Variants in ANTXR1 observed in about 807,000 individuals in gnomAD.
ANTXR1 encodes the protein ANTXR cell adhesion molecule 1.
A neutral mutation model predicts 78.1 loss-of-function variants in ANTXR1; 19 were observed. The observed-to-expected ratio is 0.24, with a 90% CI of 0.17 to 0.36. ANTXR1 has a LOEUF of 0.36. Among genes scored for constraint, ANTXR1 ranks in the 10% least tolerant of loss-of-function variants. ANTXR1 has a pLI of 1.00. For synonymous variants in ANTXR1, 273 were observed against 260.5 expected (o/e 1.05, Z -0.46); for missense variants, 518 against 718.6 (o/e 0.72, Z 3.19).
At chr2:69,070,567 G>A in intron 3 of ANTXR1, 80 bp from the exon 4 acceptor site, 2 of 1,316,124 alleles carry the variant, frequency 1.5e-6, no homozygotes, top group Non-Finnish European at 2.2e-6. Flanking sequence ...ACAGAGGTAA[G>A]AAGAAGACTA....
chr2:69,207,319 T>C (rs1034210721), intron 17 of ANTXR1, among the ~76,000 whole-genome samples: 1 of 152,202 alleles, frequency 6.6e-6, no homozygotes, highest in Non-Finnish European at 1.5e-5. Flanking sequence ...AGTTTGACTA[T>C]TGAAATTCTT....
rs141562604 is a variant in ANTXR1 at position 69,147,035 on chromosome 2, G to A, written c.952-5134G>A. ...GTATGCCAACAGACAGTGAATCAGG[G>A]GCACAGGAGGGCAGCATGGAGGCCA... On this transcript the variant is annotated intron_variant, in intron 12 of 17. Transcript: ENST00000303714. Among the ~76,000 whole-genome samples the A allele has an allele frequency of 3.3e-4, 51 of 152,338 alleles. No individual in the cohort carries two copies. The East Asian group carries it at 7.9e-3, about 24-fold the overall frequency.
chr2:69,120,593 G>A (rs550225344), intron 10 of ANTXR1, among the ~76,000 whole-genome samples: 9 of 152,074 alleles, frequency 5.9e-5, no homozygotes, highest in Non-Finnish European at 1.2e-4. Flanking sequence ...ACTTGAACCC[G>A]GGAGGCAGAG....
intron 1 of ANTXR1, among the ~76,000 whole-genome samples, chr2:69,029,898 A>G (rs1410464652): frequency 6.6e-6 from 1 of 152,214 alleles, no homozygotes; most frequent in Non-Finnish European, 1.5e-5. Flanking sequence ...AGCAAAATAT[A>G]AAACTGAAAG....
At chr2:69,067,619 C>G (rs1462597175) in intron 3 of ANTXR1, among the ~76,000 whole-genome samples, 4 of 152,134 alleles carry the variant, frequency 2.6e-5, no homozygotes, top group Non-Finnish European at 4.4e-5. Context: ...TATCCCTCTG[C>G]CCCATAGTGC....
At chr2:69,144,966 G>A (rs906957564) in intron 12 of ANTXR1, among the ~76,000 whole-genome samples, 5 of 152,208 alleles carry the variant, frequency 3.3e-5, no homozygotes, top group South Asian at 2.1e-4. Flanking sequence ...GGTCACTGTC[G>A]TGGGGGCAAT....
chr2:69,228,068 A>G (rs1027110026), intron 17 of ANTXR1, among the ~76,000 whole-genome samples: 1 of 152,228 alleles, frequency 6.6e-6, no homozygotes, highest in African/African-American at 2.4e-5. Context: ...TTTTGTGTCT[A>G]TGGAAAGATA....
At chr2:69,097,100 A>G (rs894758324) in intron 9 of ANTXR1, among the ~76,000 whole-genome samples, 24 of 152,220 alleles carry the variant, frequency 1.6e-4, no homozygotes, top group African/African-American at 5.3e-4. Context: ...AAGAATATGG[A>G]CCCATTTGGC....
chr2:69,153,613 A>T (rs892740928), intron 13 of ANTXR1, among the ~76,000 whole-genome samples: 2 of 152,170 alleles, frequency 1.3e-5, no homozygotes, highest in Admixed American at 6.5e-5. Context: ...CTGCAAAACC[A>T]TTTTATTTTG....
At chr2:69,118,398 G>A (rs1219335251) in intron 10 of ANTXR1, among the ~76,000 whole-genome samples, 2 of 152,046 alleles carry the variant, frequency 1.3e-5, no homozygotes, top group African/African-American at 2.4e-5. Context: ...ACCACTGCAC[G>A]GCAGCCTGGG....
intron 17 of ANTXR1, among the ~76,000 whole-genome samples, chr2:69,195,403 G>A (rs1674646914): frequency 6.6e-6 from 1 of 152,156 alleles, no homozygotes; most frequent in Non-Finnish European, 1.5e-5. Context: ...TGCACCTGGT[G>A]ACAGTGGGTG....
In ANTXR1 at chr2:69,124,656, C is replaced by T; in HGVS notation, c.951+13C>T. The stretch of plus-strand genomic sequence containing the variant: ...CACCACACACTGTGTAAGTCATAAC[C>T]TTTCCCTTTACTAAAGATCTCATTA... On this transcript the variant is annotated intron_variant, in intron 12 of 17. Transcript: ENST00000303714. 2 of 1,612,974 alleles carry T rather than the reference C, an allele frequency of 1.2e-6. No homozygotes were observed. The highest frequency in any genetic ancestry group is 1.7e-6 in the Non-Finnish European group (2 of 1,178,926).
At chr2:69,113,689 A>G (rs1363658635) in intron 10 of ANTXR1, among the ~76,000 whole-genome samples, 4 of 152,196 alleles carry the variant, frequency 2.6e-5, no homozygotes, top group Admixed American at 6.5e-5. Context: ...ATTTTGGTAG[A>G]CTTGCCACTC....
intron 16 of ANTXR1, among the ~76,000 whole-genome samples, chr2:69,183,248 G>A (rs1271508203): frequency 6.7e-6 from 1 of 149,252 alleles, no homozygotes; most frequent in Non-Finnish European, 1.5e-5. Context: ...ACTGGTCATG[G>A]ATCTAGGACT....
chr2:69,146,927 G>T lies in ANTXR1; in HGVS notation c.952-5242G>T, dbSNP rs1246807288. On this transcript the variant is annotated intron_variant, in intron 12 of 17. Transcript: ENST00000303714. The stretch of plus-strand genomic sequence containing the variant: ...GGCCAAGCTCACACACCAGTCCCGA[G>T]TTAGGCTGTGAGCAGCAGTCCCGAC... 1.3e-5 allele frequency among the ~76,000 whole-genome samples: 2 copies of T among 152,376 alleles called. 1 individual carries two copies. Among genetic ancestry groups the T allele is most frequent in the East Asian group, 3.9e-4 (2 of 5,190 alleles).
intron 12 of ANTXR1, among the ~76,000 whole-genome samples, chr2:69,133,121 G>A (rs1011173716): frequency 2.0e-5 from 3 of 152,182 alleles, no homozygotes; most frequent in African/African-American, 4.8e-5. Flanking sequence ...TCTGCAAAGC[G>A]AAGCTGGACA....
intron 14 of ANTXR1, chr2:69,172,279 C>A (rs150154980): frequency 9.5e-7 from 1 of 1,054,734 alleles, no homozygotes; most frequent in Non-Finnish European, 1.5e-6. Flanking sequence ...TAGCATCAGG[C>A]GCTTTTTGGC....
At chr2:69,168,136 G>A (rs1242154938) in intron 13 of ANTXR1, among the ~76,000 whole-genome samples, 4 of 152,252 alleles carry the variant, frequency 2.6e-5, no homozygotes, top group Admixed American at 6.5e-5. Flanking sequence ...CTGGCCCCTT[G>A]GCATCTCTGT....
At chr2:69,096,125 G>T (rs1056043441) in intron 9 of ANTXR1, among the ~76,000 whole-genome samples, 3 of 151,822 alleles carry the variant, frequency 2.0e-5, no homozygotes, top group African/African-American at 7.3e-5. Context: ...AGGCGTGGTG[G>T]CGGGCTCCTG....
Sources: gnomAD v4.1 joint callset for allele counts (sites outside exome capture counted in the v4.1 genomes callset) on GRCh38, gnomAD v4.1.1 for gene constraint, MANE v1.5 for transcripts, NCBI Gene and HGNC (gene_info 2026-07-23, HGNC 2026-07-21) for gene names.